CSNK1A1: variants seen among roughly 807,000 people sequenced by gnomAD.
CSNK1A1 encodes the protein casein kinase I isoform alpha.
CSNK1A1 carries 7 observed loss-of-function variants against 46.1 expected under a neutral mutation model. The ratio of observed to expected loss-of-function variants is 0.15; its 90% confidence interval spans 0.09 to 0.29. The LOEUF (loss-of-function observed/expected upper bound fraction) is 0.29, where lower values mean the gene tolerates loss of function less well. Among genes scored for constraint, CSNK1A1 ranks in the 10% least tolerant of loss-of-function variants. The pLI is 1.00. For missense variants in CSNK1A1, 96 were observed against 417.1 expected, an observed-to-expected ratio of 0.23 and a Z score of 6.71; for synonymous variants, 137 against 141.5, an observed-to-expected ratio of 0.97 and a Z score of 0.23.
At chr5:149,511,178 A>C (rs539631493) in intron 6 of CSNK1A1, among the ~76,000 whole-genome samples, 1 of 152,186 alleles carries the variant, frequency 6.6e-6, no homozygotes, top group South Asian at 2.1e-4. Context: ...ATAATTTAAA[A>C]ATTAGCTGGG....
intron 9 of CSNK1A1, chr5:149,502,040 AAAG>A: frequency 1.0e-6 from 1 of 982,238 alleles, no homozygotes. Context: ...GAAAAGATCT[AAAG>A]AATATAAGGA....
At chr5:149,526,912 A>G (rs74757006) in intron 2 of CSNK1A1, among the ~76,000 whole-genome samples, 3,653 of 152,330 alleles carry the variant, frequency 0.024, 74 homozygotes, top group East Asian at 0.089. Flanking sequence ...TAAGCCAAAA[A>G]GTTCAGTTCC....
intron 4 of CSNK1A1, among the ~76,000 whole-genome samples, chr5:149,516,263 G>C (rs1761398562): frequency 6.6e-6 from 1 of 151,902 alleles, no homozygotes; most frequent in South Asian, 2.1e-4. Flanking sequence ...GTTGCAGTGG[G>C]CCAAGATCGC....
At chr5:149,536,101 G>A (rs1762054753) in intron 2 of CSNK1A1, among the ~76,000 whole-genome samples, 5 of 152,200 alleles carry the variant, frequency 3.3e-5, no homozygotes, top group East Asian at 1.9e-4. Context: ...TCACAGGCAC[G>A]CGCCACCACG....
At chr5:149,513,360 AC>A (rs368697089) in intron 4 of CSNK1A1, 151 bp from the exon 5 acceptor site, 34 of 665,324 alleles carry the variant, frequency 5.1e-5, no homozygotes, top group African/African-American at 2.2e-4. Context: ...CAGACTTAAC[AC>A]CCCCCCATAA....
At chr5:149,543,049 G>A (rs1362633625) in intron 2 of CSNK1A1, among the ~76,000 whole-genome samples, 2 of 151,956 alleles carry the variant, frequency 1.3e-5, no homozygotes, top group African/African-American at 4.8e-5. Flanking sequence ...ATTCAAAAGG[G>A]AGAATAAGAA....
rs1561763035 is a variant in CSNK1A1, at chr5:149,525,194, G to C, written c.231-23C>G. The C allele has an allele frequency of 2.5e-6, 4 of 1,579,188 alleles. No individual in the cohort carries two copies. Among genetic ancestry groups the C allele is most frequent in the Non-Finnish European group, 3.4e-6 (4 of 1,167,014 alleles). Reference sequence around the variant, plus strand: ...CACCTAACGAAACAAAAGGAGAAGAGAGGATATTACAAAAAGCTATTACTT... The same window carrying C: ...CACCTAACGAAACAAAAGGAGAAGACAGGATATTACAAAAAGCTATTACTT... On this transcript the variant is annotated intron_variant, in intron 2 of 9. Transcript: ENST00000377843. This position sits in a 1 kb window ranked among gnomAD's most constrained non-coding sequence, Gnocchi z 4.2.
intron 4 of CSNK1A1, among the ~76,000 whole-genome samples, chr5:149,515,437 C>A (rs191962232): frequency 6.6e-6 from 1 of 152,168 alleles, no homozygotes; most frequent in Non-Finnish European, 1.5e-5. Flanking sequence ...AGGAGGAAAC[C>A]TTATTTATCA....
intron 2 of CSNK1A1, chr5:149,545,622 G>C: frequency 2.3e-6 from 2 of 867,854 alleles, no homozygotes; most frequent in East Asian, 2.8e-5. Context: ...TGGGCTTTAC[G>C]AGGGCCCTGC....
chr5:149,532,788 T>C (rs1761943006), intron 2 of CSNK1A1, among the ~76,000 whole-genome samples: 1 of 152,152 alleles, frequency 6.6e-6, no homozygotes, highest in African/African-American at 2.4e-5. Flanking sequence ...AAAGAAATAC[T>C]AGATTTGAGT....
chr5:149,500,944 A>G, intron 9 of CSNK1A1: 2 of 983,498 alleles, frequency 2.0e-6, no homozygotes, highest in Non-Finnish European at 2.4e-6. Context: ...AAACAGACTG[A>G]ATTGTTTTGT....
At position 149,550,303 on chromosome 5, in the gene CSNK1A1, A is replaced by C; in HGVS notation, c.124-122T>G. 8.1e-6 allele frequency: 12 copies of C among 1,488,422 alleles called. No individual in the cohort carries two copies. The highest frequency in any genetic ancestry group is 8.0e-6 in the Non-Finnish European group (9 of 1,124,942). 92.2% of individuals were successfully genotyped at this position (1,488,422 alleles called of 1,614,324 possible). ...TACAAGAAGAAGTGAAAAGCTGGAA[A>C]GAGAAAGCTCTCGGTAATTATAAAA... is the stretch of plus-strand genomic sequence containing the variant. On this transcript the variant is annotated intron_variant, in intron 1 of 9. Coordinates refer to ENST00000377843, the MANE Select transcript of CSNK1A1 (RefSeq NM_001892.6). The surrounding 1 kb of genome is among the most constrained non-coding windows in gnomAD (Gnocchi z 4.3).
At chr5:149,513,428 T>A (rs959651047) in intron 4 of CSNK1A1, among the ~76,000 whole-genome samples, 2 of 152,122 alleles carry the variant, frequency 1.3e-5, no homozygotes, top group African/African-American at 4.8e-5. Flanking sequence ...TAGTAGTTTA[T>A]CCTTGTCGTT....
intron 6 of CSNK1A1, among the ~76,000 whole-genome samples, 197 bp downstream of exon 6, chr5:149,511,597 C>T (rs1761225724): frequency 6.6e-6 from 1 of 152,180 alleles, no homozygotes; most frequent in African/African-American, 2.4e-5. Context: ...GGACACTGTT[C>T]TTCAGCTGAA....
chr5:149,503,318 G>T, intron 9 of CSNK1A1: 1 of 985,392 alleles, frequency 1.0e-6, no homozygotes, highest in Non-Finnish European at 1.2e-6. Flanking sequence ...AGAGTTTCAT[G>T]TAAGATTTGT....
At chr5:149,523,028 T>A (rs1761618810) in intron 3 of CSNK1A1, among the ~76,000 whole-genome samples, 1 of 141,952 alleles carries the variant, frequency 7.0e-6, no homozygotes, top group Non-Finnish European at 1.5e-5. Flanking sequence ...TATATGTTAG[T>A]TAAAACATAT....
At chr5:149,501,956 G>A (rs1419499163) in intron 9 of CSNK1A1, 2 of 935,476 alleles carry the variant, frequency 2.1e-6, no homozygotes, top group Non-Finnish European at 2.5e-6. Context: ...TGTAGTAATT[G>A]AACATTAAAA....
chr5:149,546,362 C>T (rs746287798), intron 2 of CSNK1A1, among the ~76,000 whole-genome samples: 2 of 151,548 alleles, frequency 1.3e-5, no homozygotes, highest in Non-Finnish European at 2.9e-5. Flanking sequence ...TGGCTGGGTG[C>T]GGTGGCTCAT....
chr5:149,545,768 T>TTGTGTGGTGTGGTG, intron 2 of CSNK1A1: 2 of 623,362 alleles, frequency 3.2e-6, no homozygotes, highest in Admixed American at 4.0e-5. Flanking sequence ...TCAGGACTGG[T>TTGTGTGGTGTGGTG]TGTGTGTGGT....
Sources: gnomAD v4.1 joint callset for allele counts (sites outside exome capture counted in the v4.1 genomes callset) on GRCh38, gnomAD v4.1.1 for gene constraint, Gnocchi (gnomAD v3.1) non-coding constraint, MANE v1.5 for transcripts, NCBI Gene and HGNC (gene_info 2026-07-23, HGNC 2026-07-21) for gene names.